The following TANGO6 variants were observed in gnomAD, a reference collection of about 807,000 sequenced individuals.
TANGO6 encodes transport and golgi organization 6 homolog, also known as transport and Golgi organization protein 6 homolog.
TANGO6 carries 90 observed loss-of-function variants against 114.2 expected under a neutral mutation model. That is an observed-to-expected ratio of 0.79 (90% CI 0.66 to 0.94). TANGO6 has a LOEUF of 0.94. TANGO6 is among the 40% of genes least tolerant of loss of function. TANGO6 has a pLI of 0.00. For missense variants in TANGO6, 1,274 were observed against 1,315.3 expected (o/e 0.97, Z 0.49); for synonymous variants, 477 against 509.8 (o/e 0.94, Z 0.87).
At chr16:68,949,480 G>A (rs1197387841) in intron 14 of TANGO6, among the ~76,000 whole-genome samples, 3 of 152,064 alleles carry the variant, frequency 2.0e-5, no homozygotes, top group African/African-American at 7.2e-5. Context: ...AATTAGCCGG[G>A]CATGATTGTC....
chr16:69,007,517 G>A (rs1462306664), intron 15 of TANGO6, among the ~76,000 whole-genome samples: 2 of 151,708 alleles, frequency 1.3e-5, no homozygotes, highest in Admixed American at 6.6e-5. Flanking sequence ...CATCCGCCTC[G>A]GTCTCCCAAA....
At chr16:69,061,291 G>T (rs546898273) in intron 17 of TANGO6, among the ~76,000 whole-genome samples, 2 of 152,046 alleles carry the variant, frequency 1.3e-5, no homozygotes, top group Non-Finnish European at 1.5e-5. Flanking sequence ...CTGGCTGGAC[G>T]CAGTGGCTCA....
intron 15 of TANGO6, among the ~76,000 whole-genome samples, chr16:68,980,126 G>A (rs1263081287): frequency 1.3e-5 from 2 of 151,904 alleles, no homozygotes; most frequent in Non-Finnish European, 2.9e-5. Context: ...GATTACAGGC[G>A]TGAGCCACCA....
chr16:68,967,213 G>A (rs1963655504), intron 14 of TANGO6, among the ~76,000 whole-genome samples: 1 of 152,190 alleles, frequency 6.6e-6, no homozygotes, highest in African/African-American at 2.4e-5. Context: ...ACGGGACGGT[G>A]TTGGGAGGGC....
chr16:68,913,469 C>T (rs561380257), intron 11 of TANGO6, among the ~76,000 whole-genome samples: 40 of 144,682 alleles, frequency 2.8e-4, no homozygotes, highest in African/African-American at 4.6e-4. Context: ...AGTGCAGCAG[C>T]GCAATCTCGG....
chr16:69,001,586 A>G (rs1047715089), intron 15 of TANGO6, among the ~76,000 whole-genome samples: 1 of 152,168 alleles, frequency 6.6e-6, no homozygotes, highest in African/African-American at 2.4e-5. Flanking sequence ...TAAGTTTCTC[A>G]TTAAAGCCTG....
At chr16:68,998,730 C>CAA (rs1180827047) in intron 15 of TANGO6, among the ~76,000 whole-genome samples, 7 of 81,320 alleles carry the variant, frequency 8.6e-5, no homozygotes, top group Non-Finnish European at 7.7e-5. Context: ...GACTCCATCT[C>CAA]AAAAAAAAAA....
chr16:68,956,554 A>G (rs577014013), intron 14 of TANGO6, among the ~76,000 whole-genome samples: 1 of 152,166 alleles, frequency 6.6e-6, no homozygotes, highest in South Asian at 2.1e-4. Flanking sequence ...GAATAAGGAA[A>G]GAAAACCTCT....
At chr16:68,985,431 C>T (rs893942780) in intron 15 of TANGO6, among the ~76,000 whole-genome samples, 22 of 152,092 alleles carry the variant, frequency 1.4e-4, no homozygotes, top group Non-Finnish European at 2.2e-4. Context: ...TTAGCACCGG[C>T]GGGTGCAGTG....
At chr16:68,946,906 C>T (rs1963419651) in intron 14 of TANGO6, among the ~76,000 whole-genome samples, 1 of 152,132 alleles carries the variant, frequency 6.6e-6, no homozygotes, top group Admixed American at 6.5e-5. Context: ...AATAGTTGTA[C>T]AGATTTCACT....
chr16:68,960,957 T>C (rs1963583426), intron 14 of TANGO6, among the ~76,000 whole-genome samples: 1 of 152,228 alleles, frequency 6.6e-6, no homozygotes, highest in South Asian at 2.1e-4. Context: ...TTTTCTTTCA[T>C]ATGGCTTTTC....
intron 14 of TANGO6, among the ~76,000 whole-genome samples, chr16:68,966,977 G>A (rs1291252826): frequency 1.3e-5 from 2 of 152,032 alleles, no homozygotes; most frequent in Admixed American, 1.3e-4. Context: ...TTGCCACGTT[G>A]GCCAGGCTGG....
chr16:68,878,396 C>G, intron 6 of TANGO6, 116 bp downstream of exon 6: 1 of 1,254,070 alleles, frequency 8.0e-7, no homozygotes, highest in South Asian at 2.0e-5. Flanking sequence ...TTCCCCTCCC[C>G]CCAACTTTTT....
chr16:69,010,591 G>T (rs2152223962), intron 15 of TANGO6, among the ~76,000 whole-genome samples: 1 of 152,208 alleles, frequency 6.6e-6, no homozygotes, highest in South Asian at 2.1e-4. Context: ...TCTACCTGAA[G>T]CAATCTTCCT....
chr16:69,076,312 G>T (rs531166155), intron 17 of TANGO6, among the ~76,000 whole-genome samples: 1 of 150,776 alleles, frequency 6.6e-6, no homozygotes, highest in Admixed American at 6.6e-5. Context: ...GGCTGGTCTC[G>T]AACTCCTGAC....
chr16:69,055,350 T>A (rs1010309590), intron 17 of TANGO6, among the ~76,000 whole-genome samples: 1 of 152,180 alleles, frequency 6.6e-6, no homozygotes. Context: ...CCATCTCCTG[T>A]CTATGCTTCC....
chr16:68,893,695 C>G (rs1191494237), intron 7 of TANGO6, among the ~76,000 whole-genome samples: 1 of 134,602 alleles, frequency 7.4e-6, no homozygotes, highest in Non-Finnish European at 1.5e-5. Context: ...AAGATCACGC[C>G]ACTGCATTCC....
intron 15 of TANGO6, among the ~76,000 whole-genome samples, chr16:69,017,820 G>A (rs1296656863): frequency 6.6e-6 from 1 of 152,028 alleles, no homozygotes; most frequent in Non-Finnish European, 1.5e-5. Flanking sequence ...ACTGCAGAGT[G>A]AGCAAGCCCC....
chr16:68,965,113 T>G (rs940482156), intron 14 of TANGO6, among the ~76,000 whole-genome samples: 2 of 152,226 alleles, frequency 1.3e-5, no homozygotes, highest in African/African-American at 4.8e-5. Context: ...TTCTTATGAA[T>G]GCAAGACATT....
Sources: gnomAD v4.1 joint callset for allele counts (sites outside exome capture counted in the v4.1 genomes callset) on GRCh38, gnomAD v4.1.1 for gene constraint, MANE v1.5 for transcripts, NCBI Gene and HGNC (gene_info 2026-07-23, HGNC 2026-07-21) for gene names.